The following SNX25 variants were observed in gnomAD, a reference collection of about 807,000 sequenced individuals.
SNX25 encodes sorting nexin-25.
Under a neutral mutation model 113.7 loss-of-function variants are expected in SNX25, and 62 were observed. That is an observed-to-expected ratio of 0.55 (90% CI 0.44 to 0.67). The LOEUF is 0.67. Ranked by LOEUF, SNX25 falls within the 30% of genes least tolerant of loss-of-function variation. The pLI, the probability that SNX25 is intolerant of heterozygous loss-of-function variation, is 0.00. For synonymous variants in SNX25, 421 were observed against 436.2 expected, an observed-to-expected ratio of 0.97 and a Z score of 0.43; for missense variants, 1,014 against 1,161.0, an observed-to-expected ratio of 0.87 and a Z score of 1.84.
At chr4:185,211,884 G>A (rs1737864411) in intron 1 of SNX25, among the ~76,000 whole-genome samples, 1 of 152,170 alleles carries the variant, frequency 6.6e-6, no homozygotes, top group South Asian at 2.1e-4. Context: ...CCTGGAAAAT[G>A]CATTCCCGCA....
chr4:185,362,655 A>G lies in SNX25; in HGVS notation c.2878A>G (p.Ile960Val). Residue 960 changes from isoleucine to valine, a missense_variant, in exon 18 of 19, where the codon ATA becomes GTA. Ile to Val is a conservative substitution (Grantham distance 29, BLOSUM62 3). Coordinates refer to ENST00000652585, the MANE Select transcript of SNX25 (RefSeq NM_001378034.2). Reference protein sequence around the residue: ...LVGQQNARHGIIKIFNALQET... With the variant: ...LVGQQNARHGVIKIFNALQET... ...TGGACAGCAAAATGCCCGCCACGGT[A>G]TAATAAAAATATTCAATGCACTGCA... The G allele has an allele frequency of 1.2e-6, 2 of 1,614,164 alleles. No individual in the cohort carries two copies. Among genetic ancestry groups the G allele is most frequent in the Non-Finnish European group, 1.7e-6 (2 of 1,180,030 alleles).
rs1737446147 is a variant in SNX25 at position 185,209,764 on chromosome 4, G to T, written c.-63G>T. ...ATGAGCGCGGGCTCCCCCTGCCTCC[G>T]GAGCGCCGGCGGGGGACCGGGGGGC... On this transcript the variant is annotated 5_prime_UTR_variant, in exon 1 of 19. Transcript: ENST00000652585. The surrounding 1 kb of genome is among the most constrained non-coding windows in gnomAD (Gnocchi z 5.2). The T allele has an allele frequency of 1.0e-6, 1 of 983,950 alleles. No individual in the cohort carries two copies. The highest frequency in any genetic ancestry group is 1.8e-5 in the African/African-American group (1 of 57,110). The allele number at this position is 983,950 out of a possible 1,614,324, so 61.0% of individuals were successfully genotyped here.
intron 1 of SNX25, among the ~76,000 whole-genome samples, chr4:185,238,357 C>T (rs1742984269): frequency 6.6e-6 from 1 of 152,036 alleles, no homozygotes; most frequent in African/African-American, 2.4e-5. Context: ...GACACTGTTG[C>T]TCATGTCATG....
chr4:185,312,406 G>A (rs965777420), intron 7 of SNX25, among the ~76,000 whole-genome samples: 2 of 152,152 alleles, frequency 1.3e-5, no homozygotes, highest in African/African-American at 4.8e-5. Flanking sequence ...AAGATCTCAA[G>A]AAAGATAATG....
At chr4:185,370,739 G>A, downstream of SNX25, 2 of 1,614,118 alleles carry the variant, frequency 1.2e-6, no homozygotes, top group Non-Finnish European at 1.7e-6. Context: ...CCATGCCTCT[G>A]CCGATGAACT....
chr4:185,331,544 G>A lies in SNX25; in HGVS notation c.1750-1051G>A, dbSNP rs896541311. Among the ~76,000 whole-genome samples the A allele has an allele frequency of 2.6e-5, 4 of 152,286 alleles. No homozygotes were observed. In the East Asian group the frequency reaches 5.8e-4, roughly 22 times the overall value. On this transcript the variant is annotated intron_variant, in intron 9 of 18. Transcript: ENST00000652585. ...ATCTGTAATTCCAGCACTTTGGGAG[G>A]ACGAGGCAGGTGGATCACTTGAGGT...
At chr4:185,348,872 C>T (rs1403492424) in intron 13 of SNX25, among the ~76,000 whole-genome samples, 2 of 152,142 alleles carry the variant, frequency 1.3e-5, no homozygotes, top group Non-Finnish European at 2.9e-5. Flanking sequence ...CCATCCTTTC[C>T]TCCCCAGTCT....
downstream of SNX25, among the ~76,000 whole-genome samples, chr4:185,371,483 A>C (rs1036597756): frequency 1.3e-5 from 2 of 148,520 alleles, no homozygotes; most frequent in East Asian, 4.1e-4. Flanking sequence ...CAGAGCTTGC[A>C]GTGAGCCGAG....
chr4:185,331,965 G>A (rs889675921), intron 9 of SNX25, among the ~76,000 whole-genome samples: 4 of 152,212 alleles, frequency 2.6e-5, no homozygotes, highest in Non-Finnish European at 5.9e-5. Flanking sequence ...GCAGTGCCCT[G>A]CATTGCTGTT....
rs945077947 is a variant in SNX25, at chr4:185,264,376, A to T, written c.732-62A>T. On this transcript the variant is annotated intron_variant, in intron 3 of 18. Transcript: ENST00000652585. ...TCTCATTTGAAATATTTTTTACCTAATAGTACATAATTGAATTGTTTCTAG... is the reference window on the plus strand; with the variant it reads ...TCTCATTTGAAATATTTTTTACCTATTAGTACATAATTGAATTGTTTCTAG... The T allele has an allele frequency of 9.6e-6, 14 of 1,463,710 alleles. No individual in the cohort carries two copies. In the African/African-American group the frequency reaches 1.8e-4, roughly 19 times the overall value. The allele number at this position is 1,463,710 out of a possible 1,614,324, so 90.7% of individuals were successfully genotyped here.
At chr4:185,328,578 C>A (rs144481392) in intron 9 of SNX25, among the ~76,000 whole-genome samples, 2 of 152,052 alleles carry the variant, frequency 1.3e-5, no homozygotes, top group African/African-American at 4.8e-5. Context: ...TTAAGCTGAG[C>A]GCTTTCTTAT....
intron 4 of SNX25, among the ~76,000 whole-genome samples, chr4:185,265,129 A>G (rs1423238062): frequency 6.6e-6 from 1 of 152,140 alleles, no homozygotes; most frequent in Non-Finnish European, 1.5e-5. Flanking sequence ...ACCATCCCTG[A>G]CCACAGTCAA....
At chr4:185,261,112 CTCTGTG>C (rs983383051) in intron 3 of SNX25, among the ~76,000 whole-genome samples, 9 of 114,516 alleles carry the variant, frequency 7.9e-5, no homozygotes, top group Non-Finnish European at 1.4e-4. Flanking sequence ...GTCTGTCTGT[CTCTGTG>C]TGTGTGTGTG....
chr4:185,289,619 G>A (rs1427362807), intron 6 of SNX25, among the ~76,000 whole-genome samples: 1 of 152,168 alleles, frequency 6.6e-6, no homozygotes, highest in Non-Finnish European at 1.5e-5. Flanking sequence ...GTCTTTAAAT[G>A]GGCTTTTGAG....
chr4:185,316,216 G>A (rs755796840), intron 7 of SNX25, among the ~76,000 whole-genome samples: 3 of 152,058 alleles, frequency 2.0e-5, no homozygotes, highest in Middle Eastern at 3.2e-3. Flanking sequence ...CTTTCTCCTG[G>A]TTCAGGCTCT....
chr4:185,299,638 T>G (rs554484869), intron 6 of SNX25, among the ~76,000 whole-genome samples: 15 of 152,314 alleles, frequency 9.8e-5, no homozygotes, highest in African/African-American at 3.4e-4. Context: ...ACCTAGCTTT[T>G]TATTTAGAAC....
At chr4:185,309,242 C>T (rs934394488) in intron 6 of SNX25, among the ~76,000 whole-genome samples, 8 of 152,150 alleles carry the variant, frequency 5.3e-5, no homozygotes, top group African/African-American at 1.4e-4. Flanking sequence ...ATGGAAGCCT[C>T]GGGGCAGGTG....
chr4:185,232,018 C>T lies in SNX25; in HGVS notation c.430-15276C>T, dbSNP rs573181664. On this transcript the variant is annotated intron_variant, in intron 1 of 18. Transcript: ENST00000652585. This position sits in a 1 kb window ranked among gnomAD's most constrained non-coding sequence, Gnocchi z 4.4. The stretch of plus-strand genomic sequence containing the variant: ...TTCACTTCAAAGGAATTATGGAAGT[C>T]GAGGTCCCAGTAAATCAAATTACCA... Among the ~76,000 whole-genome samples the T allele has an allele frequency of 1.9e-4, 29 of 152,204 alleles. No homozygotes were observed. The highest frequency in any genetic ancestry group is 6.7e-4 in the African/African-American group (28 of 41,528).
chr4:185,370,539 A>G (rs924829420), downstream of SNX25: 11 of 1,198,274 alleles, frequency 9.2e-6, 1 homozygote, highest in Admixed American at 2.4e-4. Flanking sequence ...TCTGCACAGT[A>G]ATTGAGTAGA....
Sources: gnomAD v4.1 joint callset for allele counts (sites outside exome capture counted in the v4.1 genomes callset) on GRCh38, gnomAD v4.1.1 for gene constraint, Gnocchi (gnomAD v3.1) non-coding constraint, MANE v1.5 for transcripts, NCBI Gene and HGNC (gene_info 2026-07-23, HGNC 2026-07-21) for gene names.